The following BRD4 variants were observed in gnomAD, a reference collection of about 807,000 sequenced individuals.
BRD4 encodes the protein bromodomain-containing protein 4.
BRD4 carries 16 observed loss-of-function variants against 142.1 expected under a neutral mutation model. The observed-to-expected ratio is 0.11, with a 90% CI of 0.08 to 0.17. The LOEUF (loss-of-function observed/expected upper bound fraction) is 0.17. Ranked by LOEUF, BRD4 falls within the 10% of genes least tolerant of loss-of-function variation. The probability of loss-of-function intolerance (pLI) is 1.00; values close to 1 mark genes in which losing one functional copy is unlikely to be tolerated. For missense variants in BRD4, 1,424 were observed against 1,810.9 expected (o/e 0.79, Z 3.88); for synonymous variants, 833 against 707.5 (o/e 1.18, Z -2.82).
chr19:15,324,223 G>A (rs752873485), intron 1 of BRD4, among the ~76,000 whole-genome samples: 1 of 152,094 alleles, frequency 6.6e-6, no homozygotes, highest in Non-Finnish European at 1.5e-5. Flanking sequence ...GGAAGGGGAA[G>A]GATCACACAA....
intron 1 of BRD4, among the ~76,000 whole-genome samples, chr19:15,278,629 C>T (rs1451009074): frequency 1.4e-5 from 2 of 146,216 alleles, no homozygotes; most frequent in South Asian, 4.3e-4. Flanking sequence ...GACAGCTACA[C>T]AGTTGTTGAG....
chr19:15,270,397 C>T (rs1284359126), intron 2 of BRD4, among the ~76,000 whole-genome samples: 3 of 152,204 alleles, frequency 2.0e-5, no homozygotes, highest in African/African-American at 7.2e-5. Context: ...ACCCAGGCAC[C>T]TTAGGCAAGT....
chr19:15,287,639 C>T (rs373067489), intron 1 of BRD4, among the ~76,000 whole-genome samples: 2 of 152,330 alleles, frequency 1.3e-5, no homozygotes, highest in East Asian at 1.9e-4. Flanking sequence ...CACCATTCTA[C>T]TTTCTGTCTC....
At chr19:15,297,195 C>T (rs1048827703) in intron 1 of BRD4, among the ~76,000 whole-genome samples, 8 of 152,208 alleles carry the variant, frequency 5.3e-5, no homozygotes, top group Middle Eastern at 3.2e-3. Context: ...GTTACATTAG[C>T]CCTCAGCTAC....
At position 15,313,228 on chromosome 19, in the gene BRD4, C is replaced by T. The variant is rs975650019; in HGVS notation, c.-35+19062G>A. ...CTCTACTCAAAATACAAAAAATTAG[C>T]CGGGCGTGGTGGCGGACAGCTAGAG... On this transcript the variant is annotated intron_variant, in intron 1 of 19. Coordinates refer to ENST00000679869, the MANE Select transcript of BRD4 (RefSeq NM_001379291.1). Among the ~76,000 whole-genome samples, 5 of 151,610 alleles carry T rather than the reference C, an allele frequency of 3.3e-5. No homozygotes were observed. The East Asian group carries it at 9.7e-4, about 29-fold the overall frequency.
At chr19:15,329,700 C>T (rs559039842) in intron 1 of BRD4, among the ~76,000 whole-genome samples, 2 of 152,296 alleles carry the variant, frequency 1.3e-5, no homozygotes, top group Admixed American at 6.5e-5. Flanking sequence ...GATCGCACCA[C>T]TGCACTCCAG....
intron 1 of BRD4, among the ~76,000 whole-genome samples, chr19:15,298,556 G>C (rs1408782995): frequency 7.2e-6 from 1 of 139,662 alleles, no homozygotes. Context: ...GGGGGGCAGC[G>C]GTTGCAGTGA....
intron 14 of BRD4, among the ~76,000 whole-genome samples, chr19:15,242,259 C>G (rs1439493937): frequency 6.6e-6 from 1 of 152,170 alleles, no homozygotes; most frequent in Non-Finnish European, 1.5e-5. Context: ...CCTGCAGCAC[C>G]ACATCAGGAG....
intron 10 of BRD4, among the ~76,000 whole-genome samples, 154 bp downstream of exon 10, chr19:15,255,143 C>G (rs969988792): frequency 3.4e-5 from 5 of 148,184 alleles, no homozygotes; most frequent in Non-Finnish European, 6.0e-5. Context: ...TGCAATGTCA[C>G]AACCTTTCGG....
intron 1 of BRD4, among the ~76,000 whole-genome samples, chr19:15,298,494 G>A (rs777792551): frequency 3.3e-5 from 5 of 151,630 alleles, no homozygotes; most frequent in Non-Finnish European, 5.9e-5. Flanking sequence ...GGTGGCAGGC[G>A]CCTGTAGTCC....
chr19:15,238,921 C>T lies in BRD4; in HGVS notation c.3842G>A (p.Arg1281Gln), dbSNP rs199802230. ...CTGCTGCTGCTGCTGCTCCTGGCGC[C>T]GACGTGCCTCCTCATGGGCCCGCCG... ...QARRAHEEAR[R>Q]RQEQQQQQRQ... The change falls in exon 19 of 20, where the codon CGG becomes CAG. Residue 1281 changes from arginine (R) to glutamine (Q), a missense_variant. Coordinates refer to ENST00000679869, the MANE Select transcript of BRD4 (RefSeq NM_001379291.1). The surrounding 1 kb of genome is among the most constrained non-coding windows in gnomAD (Gnocchi z 7.2). The T allele has an allele frequency of 1.1e-5, 17 of 1,596,736 alleles. No individual in the cohort carries two copies. Among genetic ancestry groups the T allele is most frequent in the Admixed American group, 1.7e-5 (1 of 58,606 alleles).
chr19:15,281,311 C>T (rs1021475215), intron 1 of BRD4, among the ~76,000 whole-genome samples: 1 of 151,666 alleles, frequency 6.6e-6, no homozygotes, highest in African/African-American at 2.4e-5. Flanking sequence ...TTGGATTAGA[C>T]AAGCCAAGGC....
intron 2 of BRD4, among the ~76,000 whole-genome samples, chr19:15,272,360 C>T (rs947357261): frequency 2.0e-5 from 3 of 152,158 alleles, no homozygotes; most frequent in African/African-American, 7.2e-5. Context: ...CCGTGTGCTC[C>T]GGGTGACAGT....
chr19:15,249,104 G>A, intron 11 of BRD4: 5 of 1,040,946 alleles, frequency 4.8e-6, no homozygotes, highest in Non-Finnish European at 7.1e-6. Flanking sequence ...GGCGGGACTA[G>A]GCGTGTGCTG....
intron 11 of BRD4, among the ~76,000 whole-genome samples, chr19:15,250,571 T>C (rs879769774): frequency 6.6e-6 from 1 of 152,206 alleles, no homozygotes; most frequent in Non-Finnish European, 1.5e-5. Flanking sequence ...CTAAAATAGC[T>C]GGACTGCGCT....
At chr19:15,320,856 T>TTCCATA (rs2048055414) in intron 1 of BRD4, among the ~76,000 whole-genome samples, 7 of 152,268 alleles carry the variant, frequency 4.6e-5, no homozygotes, top group Non-Finnish European at 1.0e-4. Flanking sequence ...TTCCACTAAT[T>TTCCATA]CTGGTTTACA....
chr19:15,329,621 CCCAGCTACTCGG>C (rs2048139789), intron 1 of BRD4, among the ~76,000 whole-genome samples: 1 of 152,134 alleles, frequency 6.6e-6, no homozygotes, highest in South Asian at 2.1e-4. Flanking sequence ...TGCCTGTAAT[CCCAGCTACTCGG>C]GAGGCTGAGG....
chr19:15,248,685 G>A (rs756674525), intron 11 of BRD4: 7 of 227,440 alleles, frequency 3.1e-5, no homozygotes, highest in African/African-American at 6.7e-5. Flanking sequence ...CAGGGCACCA[G>A]TGAGAAGCAT....
chr19:15,262,524 TAAAAAAAAA>T (rs559468375), intron 7 of BRD4, among the ~76,000 whole-genome samples: 13 of 97,796 alleles, frequency 1.3e-4, no homozygotes, highest in African/African-American at 3.8e-4. Flanking sequence ...CCCATCTCTT[TAAAAAAAAA>T]AAAAAAAAAG....
Sources: gnomAD v4.1 joint callset for allele counts (sites outside exome capture counted in the v4.1 genomes callset) on GRCh38, gnomAD v4.1.1 for gene constraint, Gnocchi (gnomAD v3.1) non-coding constraint, MANE v1.5 for transcripts, NCBI Gene and HGNC (gene_info 2026-07-23, HGNC 2026-07-21) for gene names.